Variants in TLN2 observed in about 807,000 individuals in gnomAD.
The protein encoded by TLN2 is talin-2.
TLN2 carries 118 observed loss-of-function variants against 294.7 expected under a neutral mutation model. The observed-to-expected ratio is 0.40, with a 90% CI of 0.34 to 0.47. TLN2 has a LOEUF of 0.47. Among genes scored for constraint, TLN2 ranks in the 20% least tolerant of loss-of-function variants. The pLI, the probability that TLN2 is intolerant of heterozygous loss-of-function variation, is 0.84. For missense variants in TLN2, 3,083 were observed against 3,282.2 expected (o/e 0.94, Z 1.48); for synonymous variants, 1,431 against 1,304.5 (o/e 1.10, Z -2.09).
At chr15:62,734,672 C>A (rs1045368738) in intron 28 of TLN2, among the ~76,000 whole-genome samples, 1 of 152,210 alleles carries the variant, frequency 6.6e-6, no homozygotes. Context: ...TTTTATTCTG[C>A]CAGCTGTACT....
At chr15:62,759,000 T>A (rs1207028053) in intron 37 of TLN2, among the ~76,000 whole-genome samples, 1 of 152,238 alleles carries the variant, frequency 6.6e-6, no homozygotes, top group Non-Finnish European at 1.5e-5. Flanking sequence ...ATGTCCGTGG[T>A]ATTTTGCTAA....
chr15:62,396,202 A>T (rs970243071), intron 1 of TLN2, among the ~76,000 whole-genome samples: 1 of 152,208 alleles, frequency 6.6e-6, no homozygotes, highest in African/African-American at 2.4e-5. Context: ...GGACACCCAA[A>T]ACTTAAATAT....
intron 45 of TLN2, among the ~76,000 whole-genome samples, chr15:62,791,788 A>G (rs992623244): frequency 6.6e-6 from 1 of 152,244 alleles, no homozygotes; most frequent in Admixed American, 6.5e-5. Context: ...CAGATTATTT[A>G]TGGCAGCTGT....
rs753834048 is a variant in TLN2, at chr15:62,694,341, T to C, written c.1241T>C (p.Leu414Pro). 6.8e-6 allele frequency: 11 copies of C among 1,613,970 alleles called. No individual in the cohort carries two copies. The South Asian group carries it at 1.2e-4, about 18-fold the overall frequency. ...KKKQSKDRFG[L>P]EGDEESTMLE... ...AAACAAAGTAAAGATCGATTTGGAC[T>C]AGAAGGTGATGAGGAGTCAACCATG... Residue 414 changes from leucine (L) to proline (P), a missense_variant, in exon 14 of 59, where the codon CTA (leucine) becomes CCA (proline). Physicochemically the swap from Leu to Pro is moderately conservative, Grantham distance 98. Transcript: ENST00000636159.
intron 11 of TLN2, chr15:62,683,988 C>T (rs1398808628): frequency 6.6e-6 from 1 of 152,282 alleles, no homozygotes; most frequent in Non-Finnish European, 1.5e-5. Context: ...TTACCTTTCT[C>T]CAGCTGCTCT....
At chr15:62,768,277 CTA>C (rs765695402) in intron 41 of TLN2, among the ~76,000 whole-genome samples, 149,578 of 152,294 alleles carry the variant, frequency 0.98, 73,505 homozygotes, top group Middle Eastern at 1. Flanking sequence ...GCTGTGCAGT[CTA>C]CAGAGACTGT....
At chr15:62,460,461 C>G (rs1483893032) in intron 1 of TLN2, among the ~76,000 whole-genome samples, 1 of 152,086 alleles carries the variant, frequency 6.6e-6, no homozygotes, top group African/African-American at 2.4e-5. Flanking sequence ...CGGGGTTTCT[C>G]CATGTTGGTC....
chr15:62,651,799 G>GT (rs2052616938), intron 5 of TLN2, among the ~76,000 whole-genome samples: 1 of 152,104 alleles, frequency 6.6e-6, no homozygotes, highest in Admixed American at 6.5e-5. Context: ...GAATTTTTTT[G>GT]TAAGTCCAGG....
intron 52 of TLN2, among the ~76,000 whole-genome samples, chr15:62,815,708 T>C (rs1411862261): frequency 1.3e-5 from 2 of 152,254 alleles, no homozygotes; most frequent in African/African-American, 4.8e-5. Context: ...TTGTATCTTT[T>C]AGTTTTTCTT....
intron 1 of TLN2, among the ~76,000 whole-genome samples, chr15:62,470,755 C>A (rs2037421748): frequency 6.6e-6 from 1 of 152,102 alleles, no homozygotes; most frequent in South Asian, 2.1e-4. Context: ...AAGGTGGGGG[C>A]ATCTTTGAAG....
chr15:62,626,289 G>C (rs901694699), intron 3 of TLN2, among the ~76,000 whole-genome samples: 1 of 148,448 alleles, frequency 6.7e-6, no homozygotes, highest in African/African-American at 2.4e-5. Context: ...TATGTTTGTT[G>C]CTTTTCATCC....
chr15:62,703,765 C>T (rs1421145958), intron 19 of TLN2, among the ~76,000 whole-genome samples: 1 of 152,052 alleles, frequency 6.6e-6, no homozygotes. Flanking sequence ...TTTTCAATAC[C>T]AGGGACCTGT....
intron 9 of TLN2, among the ~76,000 whole-genome samples, chr15:62,664,872 A>AATAAAAAT (rs1244463022): frequency 2.7e-5 from 4 of 149,708 alleles, no homozygotes; most frequent in African/African-American, 9.8e-5. Context: ...AAAAAAAAAA[A>AATAAAAAT]AAAAAAGTGG....
At chr15:62,489,860 A>G (rs541262855) in intron 1 of TLN2, among the ~76,000 whole-genome samples, 9 of 152,352 alleles carry the variant, frequency 5.9e-5, no homozygotes, top group African/African-American at 1.7e-4. Flanking sequence ...CCCATTGTCA[A>G]CAGCCATGTG....
At chr15:62,725,772 C>T (rs914574908) in intron 27 of TLN2, among the ~76,000 whole-genome samples, 10 of 152,168 alleles carry the variant, frequency 6.6e-5, no homozygotes, top group Admixed American at 2.0e-4. Flanking sequence ...AGTTTGTCAC[C>T]GTTCTGTCCA....
chr15:62,816,465 G>A (rs995402783), intron 52 of TLN2, among the ~76,000 whole-genome samples: 3 of 152,160 alleles, frequency 2.0e-5, no homozygotes, highest in African/African-American at 7.2e-5. Flanking sequence ...TTGACTTAAT[G>A]GCAGAATAAA....
chr15:62,656,278 A>C (rs1056768168), intron 8 of TLN2, among the ~76,000 whole-genome samples, 192 bp downstream of exon 8: 1 of 152,184 alleles, frequency 6.6e-6, no homozygotes, highest in South Asian at 2.1e-4. Flanking sequence ...GCAGCTGACC[A>C]TCCGGAGTAG....
intron 1 of TLN2, among the ~76,000 whole-genome samples, chr15:62,398,238 A>G (rs1013003215): frequency 5.3e-5 from 8 of 151,882 alleles, no homozygotes; most frequent in African/African-American, 1.5e-4. Context: ...AGGGCCTTTT[A>G]CCCCTTTGCT....
chr15:62,656,205 G>A (rs2053191410), intron 8 of TLN2, 119 bp downstream of exon 8: 5 of 1,302,398 alleles, frequency 3.8e-6, no homozygotes, highest in Admixed American at 2.2e-5. Context: ...GTCGTTTCCA[G>A]CAGGCGCTGC....
Sources: gnomAD v4.1 joint callset for allele counts (sites outside exome capture counted in the v4.1 genomes callset) on GRCh38, gnomAD v4.1.1 for gene constraint, MANE v1.5 for transcripts, NCBI Gene and HGNC (gene_info 2026-07-23, HGNC 2026-07-21) for gene names.